PPP1R37: variants seen among roughly 807,000 people sequenced by gnomAD.
PPP1R37 encodes protein phosphatase 1 regulatory subunit 37.
A neutral mutation model predicts 61.0 loss-of-function variants in PPP1R37; 21 were observed. That is an observed-to-expected ratio of 0.34 (90% CI 0.24 to 0.50). The LOEUF is 0.50. PPP1R37 is among the 20% of genes least tolerant of loss of function. PPP1R37 has a pLI of 0.98. For synonymous variants in PPP1R37, 443 were observed against 433.5 expected, an observed-to-expected ratio of 1.02 and a Z score of -0.27; for missense variants, 910 against 952.7, an observed-to-expected ratio of 0.96 and a Z score of 0.59.
chr19:45,126,904 A>G (rs1907765960), intron 1 of PPP1R37, among the ~76,000 whole-genome samples: 1 of 152,254 alleles, frequency 6.6e-6, no homozygotes, highest in African/African-American at 2.4e-5. Flanking sequence ...GCCTGTGGCC[A>G]GGCTGCTCAG....
intron 1 of PPP1R37, among the ~76,000 whole-genome samples, chr19:45,110,150 C>T (rs1189481263): frequency 6.8e-6 from 1 of 147,982 alleles, no homozygotes; most frequent in Non-Finnish European, 1.5e-5. Context: ...GAGTCTTGCT[C>T]TGTCTCCCAG....
chr19:45,133,650 G>T (rs1364124549), intron 1 of PPP1R37, among the ~76,000 whole-genome samples: 1 of 152,196 alleles, frequency 6.6e-6, no homozygotes, highest in African/African-American at 2.4e-5. Flanking sequence ...GTGGAATAGG[G>T]GTCCTGTGGC....
At chr19:45,138,485 T>C (rs1351101104) in intron 1 of PPP1R37, 29 bp from the exon 2 acceptor site, 7 of 1,513,778 alleles carry the variant, frequency 4.6e-6, no homozygotes, top group Admixed American at 3.9e-5. Flanking sequence ...GTGTGGACAG[T>C]CACAGGCCTG....
At chr19:45,125,856 C>G (rs906991721) in intron 1 of PPP1R37, among the ~76,000 whole-genome samples, 3 of 152,224 alleles carry the variant, frequency 2.0e-5, no homozygotes, top group Non-Finnish European at 4.4e-5. Flanking sequence ...ATTCTGGCCT[C>G]AGACCTCTTC....
rs1319175683 is a variant in PPP1R37, at chr19:45,146,775, C to T, written c.*213C>T. On this transcript the variant is annotated 3_prime_UTR_variant, in exon 13 of 13. Coordinates refer to ENST00000221462, the MANE Select transcript of PPP1R37 (RefSeq NM_019121.2). ...GACTCAAGCACTTCTATTTATGAGC[C>T]CAGCACTGGAAGACTCTGGGGGTGA... The T allele has an allele frequency of 3.0e-6, 1 of 328,666 alleles. No homozygotes were observed. Among genetic ancestry groups the T allele is most frequent in the South Asian group, 2.8e-5 (1 of 35,384 alleles). 20.4% of individuals were successfully genotyped at this position (328,666 alleles called of 1,614,324 possible).
At chr19:45,120,947 A>G (rs960900022) in intron 1 of PPP1R37, among the ~76,000 whole-genome samples, 1 of 152,154 alleles carries the variant, frequency 6.6e-6, no homozygotes, top group Non-Finnish European at 1.5e-5. Flanking sequence ...GGTCTTGCCA[A>G]ATTGCCTTTG....
intron 1 of PPP1R37, among the ~76,000 whole-genome samples, chr19:45,109,686 G>A (rs1968175829): frequency 6.6e-6 from 1 of 152,184 alleles, no homozygotes; most frequent in Admixed American, 6.5e-5. Flanking sequence ...CAAGTCCCAG[G>A]AGCCTCAAGT....
chr19:45,102,789 G>T (rs1014058737), intron 1 of PPP1R37, among the ~76,000 whole-genome samples: 2 of 152,200 alleles, frequency 1.3e-5, no homozygotes. Context: ...CAGGCCTGGG[G>T]CCCACGCCAG....
chr19:45,115,158 G>T (rs1968250087), intron 1 of PPP1R37, among the ~76,000 whole-genome samples: 1 of 152,208 alleles, frequency 6.6e-6, no homozygotes, highest in African/African-American at 2.4e-5. Context: ...AGAGGGAAGT[G>T]TGGGAAACAA....
At chr19:45,144,567 A>G in intron 8 of PPP1R37, 3 of 432,770 alleles carry the variant, frequency 6.9e-6, no homozygotes, top group Non-Finnish European at 1.2e-5. Flanking sequence ...AGGGCGCTCA[A>G]GGTCCAGGCC....
intron 1 of PPP1R37, among the ~76,000 whole-genome samples, chr19:45,104,229 G>A (rs192362621): frequency 4.6e-5 from 7 of 152,248 alleles, no homozygotes; most frequent in Admixed American, 2.0e-4. Context: ...GCGCCTCCTC[G>A]CTCTGTTGTT....
chr19:45,112,820 G>A (rs980093962), intron 1 of PPP1R37, among the ~76,000 whole-genome samples: 4 of 152,080 alleles, frequency 2.6e-5, no homozygotes, highest in Non-Finnish European at 5.9e-5. Flanking sequence ...CACAGAGCAG[G>A]TGCTGGGTGA....
Position 45,142,064 on chromosome 19 carries a change from A to G in PPP1R37, c.571A>G (p.Ser191Gly), listed in dbSNP as rs1251691499. ...QAAAHMMRKTSCLQYLDARNT... is the reference protein window; with the variant it reads ...QAAAHMMRKTGCLQYLDARNT... ...CCCTGTCCTCTTGCCCCTGCAGACG[A>G]GCTGCCTGCAGTATCTGGACGCCCG... The change falls in exon 6 of 13, where the codon AGC (serine) becomes GGC (glycine). Residue 191 changes from serine to glycine, a missense_variant. By Grantham distance (56) the Ser-to-Gly change is moderately conservative. This residue lies in a region of PPP1R37 where 280 missense variants were observed against 382.2 expected (regional missense o/e 0.73). Coordinates refer to ENST00000221462, the MANE Select transcript of PPP1R37 (RefSeq NM_019121.2). 1.3e-6 allele frequency: 2 copies of G among 1,515,450 alleles called. No individual in the cohort carries two copies. Among genetic ancestry groups the G allele is most frequent in the Non-Finnish European group, 1.8e-6 (2 of 1,134,766 alleles). The allele number at this position is 1,515,450 out of a possible 1,614,324, so 93.9% of individuals were successfully genotyped here.
intron 1 of PPP1R37, among the ~76,000 whole-genome samples, chr19:45,107,891 T>C (rs1299447177): frequency 1.3e-5 from 2 of 152,256 alleles, no homozygotes; most frequent in Non-Finnish European, 2.9e-5. Flanking sequence ...AGTACATCAC[T>C]GGGCTGTTGT....
At chr19:45,103,673 C>T (rs998066247) in intron 1 of PPP1R37, among the ~76,000 whole-genome samples, 2 of 152,100 alleles carry the variant, frequency 1.3e-5, no homozygotes, top group Non-Finnish European at 2.9e-5. Flanking sequence ...GAAAGCGAGC[C>T]GCAGGGAAGT....
chr19:45,130,249 C>T lies in PPP1R37; in HGVS notation c.203-8265C>T, dbSNP rs1427603642. 3.3e-5 allele frequency among the ~76,000 whole-genome samples: 5 copies of T among 152,134 alleles called. No individual in the cohort carries two copies. Among genetic ancestry groups the T allele is most frequent in the South Asian group, 2.1e-4 (1 of 4,830 alleles). On this transcript the variant is annotated intron_variant, in intron 1 of 12. Coordinates refer to ENST00000221462, the MANE Select transcript of PPP1R37 (RefSeq NM_019121.2). The surrounding 1 kb of genome is among the most constrained non-coding windows in gnomAD (Gnocchi z 4.4). ...AACCTGCACGATCAGGTCCCCTCCC[C>T]GTGAGTACTACAGGGGACCCCACTC... is the stretch of plus-strand genomic sequence containing the variant.
intron 1 of PPP1R37, among the ~76,000 whole-genome samples, chr19:45,103,377 T>A (rs1226559877): frequency 6.6e-6 from 1 of 152,176 alleles, no homozygotes; most frequent in African/African-American, 2.4e-5. Flanking sequence ...CAGGGCTGGT[T>A]GGGTTCCAGC....
intron 1 of PPP1R37, among the ~76,000 whole-genome samples, chr19:45,116,337 C>T (rs1184271303): frequency 6.6e-6 from 1 of 152,242 alleles, no homozygotes; most frequent in Admixed American, 6.5e-5. Context: ...GCCCACATCC[C>T]TGCCTGAGGC....
At chr19:45,103,454 GT>G (rs1197785756) in intron 1 of PPP1R37, among the ~76,000 whole-genome samples, 1 of 152,240 alleles carries the variant, frequency 6.6e-6, no homozygotes, top group Non-Finnish European at 1.5e-5. Context: ...ACCCGCCGGG[GT>G]CGGACTCGTG....
Sources: allele counts gnomAD v4.1 joint callset (sites outside exome capture counted in the v4.1 genomes callset), GRCh38; gene constraint gnomAD v4.1.1; regional missense constraint gnomAD v4.1.1; non-coding constraint Gnocchi (gnomAD v3.1); transcripts MANE v1.5; gene names NCBI Gene and HGNC (gene_info 2026-07-23, HGNC 2026-07-21).